Variants in RIN2 observed in about 807,000 individuals in gnomAD.
The protein encoded by RIN2 is Ras and Rab interactor 2.
A neutral mutation model predicts 78.0 loss-of-function variants in RIN2; 36 were observed. The observed-to-expected ratio is 0.46, with a 90% CI of 0.35 to 0.61. RIN2 has a LOEUF of 0.61. Among genes scored for constraint, RIN2 ranks in the 20% least tolerant of loss-of-function variants. The pLI, the probability that RIN2 is intolerant of heterozygous loss-of-function variation, is 0.00. For synonymous variants in RIN2, 466 were observed against 466.8 expected (o/e 1.00, Z 0.02); for missense variants, 1,087 against 1,159.7 (o/e 0.94, Z 0.91).
intron 4 of RIN2, among the ~76,000 whole-genome samples, chr20:19,952,311 C>T (rs560756410): frequency 1.3e-5 from 2 of 152,164 alleles, no homozygotes; most frequent in Non-Finnish European, 2.9e-5. Context: ...AGCCAACACT[C>T]GCAGCAGATG....
chr20:19,959,534 C>G (rs554917153), intron 5 of RIN2, among the ~76,000 whole-genome samples: 131 of 152,304 alleles, frequency 8.6e-4, no homozygotes, highest in African/African-American at 2.9e-3. Context: ...CTTCCAGCTT[C>G]ATTCTTCACC....
At chr20:19,823,329 G>A (rs1450493516) in intron 2 of RIN2, 17 of 594,864 alleles carry the variant, frequency 2.9e-5, no homozygotes, top group Admixed American at 1.2e-4. Context: ...TTACTCTTTC[G>A]TGGCTGTTTG....
At chr20:19,863,517 G>A (rs1179572491) in intron 2 of RIN2, among the ~76,000 whole-genome samples, 1 of 152,196 alleles carries the variant, frequency 6.6e-6, no homozygotes, top group Middle Eastern at 3.2e-3. Flanking sequence ...CCCTTCAGAA[G>A]GGATAACTCT....
intron 2 of RIN2, among the ~76,000 whole-genome samples, chr20:19,862,822 C>T (rs1568552795): frequency 6.6e-6 from 1 of 152,124 alleles, no homozygotes; most frequent in Non-Finnish European, 1.5e-5. Context: ...GAGCACAGTC[C>T]CTAGAACTGA....
At chr20:19,857,445 T>C (rs565706168) in intron 2 of RIN2, among the ~76,000 whole-genome samples, 49 of 152,306 alleles carry the variant, frequency 3.2e-4, no homozygotes, top group Admixed American at 5.9e-4. Flanking sequence ...TGAACATTTC[T>C]GTACGTGTAT....
At chr20:19,917,750 A>C (rs1023266341) in intron 3 of RIN2, among the ~76,000 whole-genome samples, 2 of 138,514 alleles carry the variant, frequency 1.4e-5, no homozygotes, top group Admixed American at 7.3e-5. Flanking sequence ...TATACTGTAC[A>C]TCTCAAGAAA....
At chr20:19,914,449 A>T (rs1273813832) in intron 3 of RIN2, among the ~76,000 whole-genome samples, 3 of 152,218 alleles carry the variant, frequency 2.0e-5, no homozygotes, top group Admixed American at 2.0e-4. Flanking sequence ...CACCATCAGA[A>T]GGACATTGCA....
chr20:19,843,597 C>A (rs1422330093), intron 2 of RIN2, among the ~76,000 whole-genome samples: 2 of 152,172 alleles, frequency 1.3e-5, no homozygotes, highest in Non-Finnish European at 2.9e-5. Context: ...CTAAACATAA[C>A]TTCTACATGC....
At chr20:19,899,760 G>A (rs774390847) in intron 3 of RIN2, among the ~76,000 whole-genome samples, 2 of 152,224 alleles carry the variant, frequency 1.3e-5, no homozygotes, top group Non-Finnish European at 2.9e-5. Context: ...GAGAGAGCAA[G>A]AGAGATGGAA....
Position 19,960,231 on chromosome 20 carries a change from A to C in RIN2, c.352-469A>C, listed in dbSNP as rs1398255084. 4.6e-5 allele frequency among the ~76,000 whole-genome samples: 7 copies of C among 152,372 alleles called. No homozygotes were observed. The Middle Eastern group carries it at 0.01, about 222-fold the overall frequency. ...CTTCTGCTTTTTCACTGTTGGCCAC[A>C]AACTTAAATTTCTATTGTAAATATC... On this transcript the variant is annotated intron_variant, in intron 5 of 12. Coordinates refer to ENST00000255006, the MANE Select transcript of RIN2 (RefSeq NM_018993.4).
At chr20:19,846,034 T>C (rs2036771630) in intron 2 of RIN2, among the ~76,000 whole-genome samples, 1 of 152,206 alleles carries the variant, frequency 6.6e-6, no homozygotes, top group Admixed American at 6.5e-5. Flanking sequence ...GATCAGATGG[T>C]TGTAGATGTG....
At chr20:19,902,763 A>T (rs2039041393) in intron 3 of RIN2, among the ~76,000 whole-genome samples, 1 of 152,224 alleles carries the variant, frequency 6.6e-6, no homozygotes, top group African/African-American at 2.4e-5. Context: ...TATTTAGCAC[A>T]TACTTATACT....
intron 12 of RIN2, among the ~76,000 whole-genome samples, chr20:19,999,379 C>T (rs914910528): frequency 6.6e-6 from 1 of 152,204 alleles, no homozygotes; most frequent in African/African-American, 2.4e-5. Context: ...CCACTGGAAG[C>T]AGATATGAAA....
In RIN2 at chr20:19,971,042, G is replaced by A. The variant is rs1600993533; in HGVS notation, c.628+113G>A. 9 of 772,088 alleles carry A rather than the reference G, an allele frequency of 1.2e-5. No homozygotes were observed. The East Asian group carries it at 2.4e-4, about 21-fold the overall frequency. The allele number at this position is 772,088 out of a possible 1,614,324, so 47.8% of individuals were successfully genotyped here. ...GTCAATCTCTCCAGCTTCTCCATCA[G>A]TGAGTTTGGGCTATCCAAAATGTTG... On this transcript the variant is annotated intron_variant, in intron 8 of 12. Coordinates refer to ENST00000255006, the MANE Select transcript of RIN2 (RefSeq NM_018993.4).
intron 2 of RIN2, among the ~76,000 whole-genome samples, chr20:19,826,933 T>TTGG (rs113707452): frequency 0.049 from 7,398 of 150,946 alleles, 194 homozygotes; most frequent in Middle Eastern, 0.065. Flanking sequence ...TTTGTTATTG[T>TTGG]TGGTGGTGGT....
intron 2 of RIN2, among the ~76,000 whole-genome samples, chr20:19,849,208 T>G (rs1197708242): frequency 3.3e-5 from 5 of 152,244 alleles, no homozygotes; most frequent in Non-Finnish European, 7.3e-5. Context: ...GCTCATCCTG[T>G]GCAGAATGAA....
chr20:19,917,755 A>G (rs1168857907), intron 3 of RIN2, among the ~76,000 whole-genome samples: 1 of 138,194 alleles, frequency 7.2e-6, no homozygotes, highest in Admixed American at 7.3e-5. Flanking sequence ...TGTACATCTC[A>G]AGAAATATGT....
Position 19,975,287 on chromosome 20 carries a change from C to A in RIN2, c.1262C>A (p.Pro421Gln), listed in dbSNP as rs1334546632. ...APPPSSESRPPCHGGRQRLSD... is the reference protein window; with the variant it reads ...APPPSSESRPQCHGGRQRLSD... The stretch of plus-strand genomic sequence containing the variant: ...CCGCCCAGCTCTGAATCACGGCCCC[C>A]GTGCCATGGAGGCCGGCAGCGGCTG... The change falls in exon 9 of 13, where the codon CCG becomes CAG. Residue 421 changes from proline (P) to glutamine (Q), a missense_variant. Transcript: ENST00000255006. The surrounding 1 kb of genome is among the most constrained non-coding windows in gnomAD (Gnocchi z 4.9). The A allele has an allele frequency of 6.2e-7, 1 of 1,601,012 alleles. No individual in the cohort carries two copies. Among genetic ancestry groups the A allele is most frequent in the Admixed American group, 1.7e-5 (1 of 57,930 alleles).
At chr20:19,932,452 G>A (rs910968482) in intron 3 of RIN2, among the ~76,000 whole-genome samples, 1 of 152,122 alleles carries the variant, frequency 6.6e-6, no homozygotes, top group Admixed American at 6.5e-5. Context: ...AGAGTATTTG[G>A]CATTGTCAGA....
Sources: gnomAD v4.1 joint callset for allele counts (sites outside exome capture counted in the v4.1 genomes callset) on GRCh38, gnomAD v4.1.1 for gene constraint, Gnocchi (gnomAD v3.1) non-coding constraint, MANE v1.5 for transcripts, NCBI Gene and HGNC (gene_info 2026-07-23, HGNC 2026-07-21) for gene names.